Variants in NKAIN2 observed in about 807,000 individuals in gnomAD.
NKAIN2 encodes the protein sodium/potassium transporting ATPase interacting 2, also known as sodium/potassium-transporting ATPase subunit beta-1-interacting protein 2.
In NKAIN2, 14 loss-of-function variants were observed where a neutral mutation model predicts 32.6. The observed-to-expected ratio is 0.43, with a 90% CI of 0.28 to 0.67. The LOEUF (loss-of-function observed/expected upper bound fraction) is 0.67. Ranked by LOEUF, NKAIN2 falls within the 30% of genes least tolerant of loss-of-function variation. The pLI is 0.17. For synonymous variants in NKAIN2, 80 were observed against 87.2 expected, an observed-to-expected ratio of 0.92 and a Z score of 0.46; for missense variants, 198 against 258.3, an observed-to-expected ratio of 0.77 and a Z score of 1.60.
chr6:124,102,211 G>T (rs1784919844), intron 1 of NKAIN2, among the ~76,000 whole-genome samples: 1 of 152,164 alleles, frequency 6.6e-6, no homozygotes, highest in Admixed American at 6.5e-5. Context: ...GGGGACCACT[G>T]CCCCTTCACT....
chr6:124,625,088 A>G (rs1046880767), intron 3 of NKAIN2, among the ~76,000 whole-genome samples: 5 of 150,532 alleles, frequency 3.3e-5, no homozygotes, highest in Admixed American at 2.7e-4. Context: ...TTTCTTGAAC[A>G]TCCTCCTCAA....
chr6:124,696,268 G>A (rs936681917), intron 4 of NKAIN2, among the ~76,000 whole-genome samples: 9 of 152,184 alleles, frequency 5.9e-5, no homozygotes, highest in Non-Finnish European at 1.3e-4. Flanking sequence ...CGAATGTGAA[G>A]TGGGAGACAG....
chr6:124,737,154 C>A (rs1776985280), intron 4 of NKAIN2, among the ~76,000 whole-genome samples: 1 of 151,806 alleles, frequency 6.6e-6, no homozygotes, highest in Non-Finnish European at 1.5e-5. Context: ...ATTAATATGG[C>A]TTGGCTGTGT....
At chr6:124,817,735 T>C (rs1407473979) in intron 5 of NKAIN2, among the ~76,000 whole-genome samples, 1 of 152,140 alleles carries the variant, frequency 6.6e-6, no homozygotes, top group Non-Finnish European at 1.5e-5. Context: ...TTTTGGAAAA[T>C]ATAATCTGCC....
At chr6:123,973,151 G>A (rs985997851) in intron 1 of NKAIN2, among the ~76,000 whole-genome samples, 1 of 152,016 alleles carries the variant, frequency 6.6e-6, no homozygotes, top group Non-Finnish European at 1.5e-5. Flanking sequence ...GCAGAGGGCT[G>A]TTCTCTCCCT....
intron 3 of NKAIN2, among the ~76,000 whole-genome samples, chr6:124,400,685 ATTATTT>A (rs1277025675): frequency 6.6e-6 from 1 of 152,116 alleles, no homozygotes; most frequent in Non-Finnish European, 1.5e-5. Context: ...ACATTTTTAA[ATTATTT>A]TTATTTTAAT....
chr6:124,315,022 G>A (rs548126444), intron 2 of NKAIN2, among the ~76,000 whole-genome samples: 56 of 152,092 alleles, frequency 3.7e-4, no homozygotes, highest in Non-Finnish European at 7.9e-4. Context: ...TACTAATTAT[G>A]TAAGTTTTTT....
intron 3 of NKAIN2, among the ~76,000 whole-genome samples, chr6:124,357,957 G>T (rs1454045862): frequency 2.6e-5 from 4 of 152,066 alleles, no homozygotes; most frequent in African/African-American, 4.8e-5. Flanking sequence ...CCCTGTGTGT[G>T]ATGTTCCCCT....
chr6:124,262,288 C>T (rs902778442), intron 1 of NKAIN2, among the ~76,000 whole-genome samples: 6 of 151,998 alleles, frequency 3.9e-5, no homozygotes, highest in African/African-American at 1.5e-4. Context: ...CTGGAAGAGC[C>T]CAAAGTCCAG....
chr6:124,114,231 C>T (rs1335711727), intron 1 of NKAIN2, among the ~76,000 whole-genome samples: 1 of 152,012 alleles, frequency 6.6e-6, no homozygotes, highest in Non-Finnish European at 1.5e-5. Context: ...TTAGCATTTT[C>T]TGGATTTATT....
chr6:124,367,605 G>A (rs1180532631), intron 3 of NKAIN2, among the ~76,000 whole-genome samples: 1 of 152,096 alleles, frequency 6.6e-6, no homozygotes, highest in Non-Finnish European at 1.5e-5. Context: ...TGAGGCCTAA[G>A]TTATTTCATC....
chr6:124,551,343 C>T (rs987230679), intron 3 of NKAIN2, among the ~76,000 whole-genome samples: 1 of 152,312 alleles, frequency 6.6e-6, no homozygotes, highest in Non-Finnish European at 1.5e-5. Flanking sequence ...ATGTAGAGAA[C>T]TTGTAGAGCA....
intron 5 of NKAIN2, among the ~76,000 whole-genome samples, chr6:124,811,557 T>C (rs1181460580): frequency 1.3e-5 from 2 of 152,148 alleles, no homozygotes; most frequent in South Asian, 2.1e-4. Context: ...TGTTACTAAA[T>C]CATAGTTATT....
intron 5 of NKAIN2, among the ~76,000 whole-genome samples, chr6:124,810,737 A>G (rs1262996326): frequency 6.6e-6 from 1 of 152,084 alleles, no homozygotes; most frequent in Non-Finnish European, 1.5e-5. Flanking sequence ...CTGAGAAAAC[A>G]TATTTGATGA....
chr6:124,412,795 G>T (rs1356891588), intron 3 of NKAIN2, among the ~76,000 whole-genome samples: 1 of 152,182 alleles, frequency 6.6e-6, no homozygotes. Flanking sequence ...AGGCAGGCAG[G>T]CCTCCTTGAT....
intron 1 of NKAIN2, among the ~76,000 whole-genome samples, chr6:124,269,814 A>G (rs1334539486): frequency 6.6e-6 from 1 of 152,092 alleles, no homozygotes; most frequent in African/African-American, 2.4e-5. Context: ...GACTGCCAGT[A>G]CATGGTAGCG....
At chr6:124,610,027 TTTTA>T (rs1275826154) in intron 3 of NKAIN2, among the ~76,000 whole-genome samples, 1 of 152,198 alleles carries the variant, frequency 6.6e-6, no homozygotes, top group African/African-American at 2.4e-5. Flanking sequence ...GTGTTAATTA[TTTTA>T]TTATCACTCA....
At chr6:124,771,535 C>T (rs560591538) in intron 4 of NKAIN2, among the ~76,000 whole-genome samples, 23 of 152,088 alleles carry the variant, frequency 1.5e-4, no homozygotes, top group South Asian at 8.3e-4. Flanking sequence ...CATTGTAAGA[C>T]GATATTTTGC....
intron 6 of NKAIN2, among the ~76,000 whole-genome samples, chr6:124,821,629 T>A (rs530753235): frequency 6.6e-6 from 1 of 152,276 alleles, no homozygotes; most frequent in Admixed American, 6.5e-5. Context: ...CAACTAAAAG[T>A]TATAAAAAAT....
Sources: gnomAD v4.1 joint callset for allele counts (sites outside exome capture counted in the v4.1 genomes callset) on GRCh38, gnomAD v4.1.1 for gene constraint, MANE v1.5 for transcripts, NCBI Gene and HGNC (gene_info 2026-07-23, HGNC 2026-07-21) for gene names.